SGCZ: variants seen among roughly 807,000 people sequenced by gnomAD.
SGCZ encodes the protein sarcoglycan zeta.
In SGCZ, 40 loss-of-function variants were observed where a neutral mutation model predicts 41.3. The observed-to-expected ratio is 0.97, with a 90% confidence interval of 0.75 to 1.26. SGCZ has a LOEUF of 1.26. SGCZ is among the 50% of genes most tolerant of loss of function. The pLI, the probability that SGCZ is intolerant of heterozygous loss-of-function variation, is 0.00. For missense variants in SGCZ, 552 were observed against 369.8 expected, an observed-to-expected ratio of 1.49 and a Z score of -4.04; for synonymous variants, 206 against 137.5, an observed-to-expected ratio of 1.50 and a Z score of -3.49.
rs1273961688 is a variant in SGCZ at position 14,084,903 on chromosome 8, C to A, written c.*5540G>T. 6.6e-6 allele frequency among the ~76,000 whole-genome samples: 1 copy of A among 151,470 alleles called. No individual in the cohort carries two copies. Among genetic ancestry groups the A allele is most frequent in the African/African-American group, 2.4e-5 (1 of 41,268 alleles). On this transcript the variant is annotated 3_prime_UTR_variant, in exon 8 of 8. Coordinates refer to ENST00000382080, the MANE Select transcript of SGCZ (RefSeq NM_139167.4). ...TTTAATCATGGTTACATAGTAGCAC[C>A]AAAATTAGGACAAATTACAAGAATC...
intron 1 of SGCZ, among the ~76,000 whole-genome samples, chr8:15,048,379 C>T (rs367998216): frequency 2.0e-5 from 3 of 152,034 alleles, no homozygotes; most frequent in African/African-American, 7.2e-5. Flanking sequence ...CACAAAAATA[C>T]AGTTAGAGAG....
chr8:14,743,890 C>G (rs1563240695), intron 1 of SGCZ, among the ~76,000 whole-genome samples: 1 of 152,036 alleles, frequency 6.6e-6, no homozygotes, highest in African/African-American at 2.4e-5. Context: ...TAGATTAAAT[C>G]CCGTGGAGAA....
chr8:14,211,773 C>G lies in SGCZ; in HGVS notation c.424+25819G>C, dbSNP rs146885407. ...GGAAATCTGCCCCACAATCCAATCA[C>G]CTCCCACCAGGCCCCTTCTCCAATT... On this transcript the variant is annotated intron_variant, in intron 4 of 7. Coordinates refer to ENST00000382080, the MANE Select transcript of SGCZ (RefSeq NM_139167.4). Among the ~76,000 whole-genome samples the G allele has an allele frequency of 1.6e-4, 25 of 152,252 alleles. 1 individual carries two copies. In the East Asian group the frequency reaches 3.7e-3, roughly 22 times the overall value.
chr8:14,818,667 A>G (rs1040508812), intron 1 of SGCZ, among the ~76,000 whole-genome samples: 1 of 152,142 alleles, frequency 6.6e-6, no homozygotes, highest in Non-Finnish European at 1.5e-5. Context: ...AAGGAACACA[A>G]ACAAATAATT....
chr8:14,164,742 C>G (rs141038823), intron 4 of SGCZ, 40 bp from the exon 5 acceptor site: 3 of 1,604,574 alleles, frequency 1.9e-6, no homozygotes, highest in Non-Finnish European at 2.5e-6. Context: ...AACTGGTATG[C>G]AGGAAACCAT....
chr8:14,481,704 A>G (rs1012707091), intron 2 of SGCZ, among the ~76,000 whole-genome samples: 1 of 152,164 alleles, frequency 6.6e-6, no homozygotes, highest in Non-Finnish European at 1.5e-5. Context: ...TACTAGGAGA[A>G]TGGATTATTA....
At chr8:15,229,005 C>T (rs958759718) in intron 1 of SGCZ, among the ~76,000 whole-genome samples, 4 of 152,052 alleles carry the variant, frequency 2.6e-5, no homozygotes, top group African/African-American at 9.7e-5. Context: ...ACCAGCCTGG[C>T]CAACATGGTG....
At chr8:15,236,243 C>G (rs1052117632) in intron 1 of SGCZ, among the ~76,000 whole-genome samples, 2 of 152,178 alleles carry the variant, frequency 1.3e-5, no homozygotes, top group Non-Finnish European at 2.9e-5. Flanking sequence ...CTCTGTCCCT[C>G]CTTCCTTCCC....
At chr8:14,673,978 G>T (rs1808192550) in intron 1 of SGCZ, among the ~76,000 whole-genome samples, 2 of 152,104 alleles carry the variant, frequency 1.3e-5, no homozygotes, top group Admixed American at 6.5e-5. Context: ...CTTTGTTATT[G>T]AATGTGTCAC....
intron 2 of SGCZ, among the ~76,000 whole-genome samples, chr8:14,525,940 G>A (rs1323736444): frequency 6.6e-6 from 1 of 151,716 alleles, no homozygotes; most frequent in Non-Finnish European, 1.5e-5. Flanking sequence ...GAACATACAA[G>A]TGCCAAAGTT....
rs577100924 is a variant in SGCZ, at chr8:14,211,381, G to A, written c.424+26211C>T. ...GGCGCTACCAGTTTCCCCTGACACCGTCCATACTTCTCCACTTATGATGTC... is the reference window on the plus strand; with the variant it reads ...GGCGCTACCAGTTTCCCCTGACACCATCCATACTTCTCCACTTATGATGTC... On this transcript the variant is annotated intron_variant, in intron 4 of 7. Transcript: ENST00000382080. Among the ~76,000 whole-genome samples the A allele has an allele frequency of 3.3e-5, 5 of 152,206 alleles. No individual in the cohort carries two copies. In the East Asian group the frequency reaches 7.8e-4, roughly 24 times the overall value.
intron 1 of SGCZ, among the ~76,000 whole-genome samples, chr8:15,172,161 T>TTTTTATTTATTTA (rs1799855761): frequency 1.4e-5 from 1 of 73,612 alleles, no homozygotes. Flanking sequence ...TCTGTTTTTT[T>TTTTTATTTATTTA]TTTTTTTTTT....
chr8:14,757,448 T>C (rs184215029), intron 1 of SGCZ, among the ~76,000 whole-genome samples: 22 of 152,314 alleles, frequency 1.4e-4, no homozygotes, highest in Admixed American at 1.0e-3. Context: ...GGAGTACTGA[T>C]AGAACCACTA....
At chr8:14,107,133 G>A (rs1161005508) in intron 6 of SGCZ, among the ~76,000 whole-genome samples, 1 of 151,998 alleles carries the variant, frequency 6.6e-6, no homozygotes, top group African/African-American at 2.4e-5. Context: ...GGAGAATGGC[G>A]TGAACCTGCG....
chr8:14,779,390 G>A (rs1476141959), intron 1 of SGCZ, among the ~76,000 whole-genome samples: 5 of 152,102 alleles, frequency 3.3e-5, no homozygotes, highest in Admixed American at 3.3e-4. Context: ...GGACAGATGA[G>A]TATGCCCTTT....
At chr8:14,969,226 C>G (rs1378348743) in intron 1 of SGCZ, among the ~76,000 whole-genome samples, 1 of 152,052 alleles carries the variant, frequency 6.6e-6, no homozygotes, top group African/African-American at 2.4e-5. Flanking sequence ...GTTATTAAAT[C>G]ATGTTATTAT....
At chr8:14,646,314 G>C (rs1327569385) in intron 1 of SGCZ, among the ~76,000 whole-genome samples, 1 of 151,926 alleles carries the variant, frequency 6.6e-6, no homozygotes, top group Non-Finnish European at 1.5e-5. Context: ...TTGGTTTTCT[G>C]TTCATGCATT....
chr8:14,273,193 ATAAT>A (rs1800117521), intron 3 of SGCZ, among the ~76,000 whole-genome samples: 1 of 152,170 alleles, frequency 6.6e-6, no homozygotes, highest in Admixed American at 6.5e-5. Context: ...GATAAAAAGA[ATAAT>A]TAAAATTAAA....
At chr8:14,587,196 A>C (rs1805086974) in intron 1 of SGCZ, among the ~76,000 whole-genome samples, 1 of 152,082 alleles carries the variant, frequency 6.6e-6, no homozygotes, top group Non-Finnish European at 1.5e-5. Flanking sequence ...AGAGGGTTTT[A>C]CACAATTGCT....
Sources: allele counts gnomAD v4.1 joint callset (sites outside exome capture counted in the v4.1 genomes callset), GRCh38; gene constraint gnomAD v4.1.1; transcripts MANE v1.5; gene names NCBI Gene and HGNC (gene_info 2026-07-23, HGNC 2026-07-21).